The following KCNQ4 variants were observed in gnomAD, a reference collection of about 807,000 sequenced individuals.
KCNQ4 encodes potassium voltage-gated channel subfamily KQT member 4.
Under a neutral mutation model 72.6 loss-of-function variants are expected in KCNQ4, and 31 were observed. The observed-to-expected ratio is 0.43, with a 90% CI of 0.32 to 0.58. The LOEUF is 0.58. Ranked by LOEUF, KCNQ4 falls within the 20% of genes least tolerant of loss-of-function variation. The pLI, the probability that KCNQ4 is intolerant of heterozygous loss-of-function variation, is 0.08. For missense variants in KCNQ4, 869 were observed against 962.6 expected (o/e 0.90, Z 1.29); for synonymous variants, 405 against 403.7 (o/e 1.00, Z -0.04).
At chr1:40,787,928 T>A (rs990244778) in intron 1 of KCNQ4, among the ~76,000 whole-genome samples, 1 of 152,168 alleles carries the variant, frequency 6.6e-6, no homozygotes. Flanking sequence ...CCAGCCACTA[T>A]GAGCCGCAGG....
rs775830606 is a variant in KCNQ4 at position 40,831,266 on chromosome 1, G to T, written c.1475G>T (p.Arg492Leu). The part of the protein sequence containing the change: ...SWSFNDRTRF[R>L]ASLRLKPRTS... ...AGCTTCAATGACCGCACCCGCTTCC[G>T]GGCATCTCTGAGACTCAAACCCCGC... The change falls in exon 10 of 14, where the codon CGG (arginine) becomes CTG (leucine). Residue 492 changes from arginine to leucine, a missense_variant. Arg to Leu is a moderately radical substitution (Grantham distance 102). Transcript: ENST00000347132. The T allele has an allele frequency of 1.2e-6, 2 of 1,606,152 alleles. No homozygotes were observed. Among genetic ancestry groups the T allele is most frequent in the African/African-American group, 1.3e-5 (1 of 74,960 alleles).
intron 13 of KCNQ4, 92 bp from the exon 14 acceptor site, chr1:40,838,219 C>G: frequency 9.0e-7 from 1 of 1,110,564 alleles, no homozygotes; most frequent in African/African-American, 1.5e-5. Context: ...GCCCACTCCA[C>G]CGGCTAGGGT....
intron 12 of KCNQ4, among the ~76,000 whole-genome samples, chr1:40,835,400 C>T (rs1291190265): frequency 6.6e-6 from 1 of 152,170 alleles, no homozygotes; most frequent in Admixed American, 6.5e-5. Context: ...AATAATCAGC[C>T]TAAAATAATC....
In KCNQ4 at chr1:40,826,527, C is replaced by T. The variant is rs1648482338; in HGVS notation, c.1292+2269C>T. The T allele has an allele frequency of 2.3e-5, 9 of 391,854 alleles. No homozygotes were observed. The Admixed American group carries it at 2.3e-4, about 10-fold the overall frequency. 24.3% of individuals were successfully genotyped at this position (391,854 alleles called of 1,614,324 possible). On this transcript the variant is annotated intron_variant, in intron 9 of 13. Transcript: ENST00000347132. ...CTGGAGGATGATTTAGGTGGGGGTCCTTCTTTCCCACCAGCTACCGGAGGC... is the reference window on the plus strand; with the variant it reads ...CTGGAGGATGATTTAGGTGGGGGTCTTTCTTTCCCACCAGCTACCGGAGGC...
chr1:40,813,867 C>A (rs535596196), intron 1 of KCNQ4, among the ~76,000 whole-genome samples: 1 of 151,966 alleles, frequency 6.6e-6, no homozygotes, highest in East Asian at 1.9e-4. Context: ...CCTGCCTCAG[C>A]CTCCCGAGTA....
chr1:40,814,979 C>T (rs6683616), intron 1 of KCNQ4, among the ~76,000 whole-genome samples: 21,300 of 151,922 alleles, frequency 0.14, 1,597 homozygotes, highest in East Asian at 0.3. Context: ...TGGTGGCTCA[C>T]GCCTGTAATC....
intron 9 of KCNQ4, chr1:40,826,573 C>T (rs559789338): frequency 2.3e-6 from 1 of 432,804 alleles, no homozygotes; most frequent in Admixed American, 2.4e-5. Flanking sequence ...CCAGCAGCTC[C>T]CCACACTCTG....
At chr1:40,822,961 G>C (rs895703179) in intron 8 of KCNQ4, among the ~76,000 whole-genome samples, 2 of 152,214 alleles carry the variant, frequency 1.3e-5, no homozygotes, top group South Asian at 2.1e-4. Context: ...CCAGGAGAGG[G>C]ATTATTAATA....
In KCNQ4 at chr1:40,834,864, G is replaced by A. The variant is rs34480358; in HGVS notation, c.1614-103G>A. ...GCTGTTCATGGTGGCCAAGCAGGAGGTGCCCTGGTGCTGGACAAGGGGATA... is the reference window on the plus strand; with the variant it reads ...GCTGTTCATGGTGGCCAAGCAGGAGATGCCCTGGTGCTGGACAAGGGGATA... On this transcript the variant is annotated intron_variant, in intron 11 of 13. Coordinates refer to ENST00000347132, the MANE Select transcript of KCNQ4 (RefSeq NM_004700.4). 132,426 of 1,499,154 alleles carry A rather than the reference G, an allele frequency of 0.088. 6,523 individuals carry two copies. Among genetic ancestry groups the A allele is most frequent in the Non-Finnish European group, 0.1 (109,108 of 1,087,604 alleles). 92.9% of individuals were successfully genotyped at this position (1,499,154 alleles called of 1,614,324 possible). A position where few individuals can be genotyped will look rare whatever the true frequency, so the allele number is the denominator to read the frequency against.
chr1:40,813,074 C>A (rs1330721589), intron 1 of KCNQ4, among the ~76,000 whole-genome samples: 1 of 152,272 alleles, frequency 6.6e-6, no homozygotes, highest in East Asian at 1.9e-4. Context: ...TAGGTGTGTT[C>A]CAGGACTGGC....
intron 1 of KCNQ4, among the ~76,000 whole-genome samples, chr1:40,797,146 GGGCTGGGAAGCT>G (rs1235584404): frequency 2.0e-5 from 3 of 152,236 alleles, no homozygotes; most frequent in Non-Finnish European, 4.4e-5. Flanking sequence ...TGGGGGAGAT[GGGCTGGGAAGCT>G]GGCAGTTACC....
At chr1:40,798,279 T>G (rs1334236203) in intron 1 of KCNQ4, among the ~76,000 whole-genome samples, 1 of 152,146 alleles carries the variant, frequency 6.6e-6, no homozygotes, top group Non-Finnish European at 1.5e-5. Flanking sequence ...TGAAAACCTT[T>G]CTGCAGAGCT....
At chr1:40,798,167 C>CAGA (rs1233471576) in intron 1 of KCNQ4, among the ~76,000 whole-genome samples, 2 of 152,146 alleles carry the variant, frequency 1.3e-5, no homozygotes, top group African/African-American at 4.8e-5. Flanking sequence ...GAAACAGGCT[C>CAGA]AGAACAGGGC....
chr1:40,792,327 G>A (rs1476139573), intron 1 of KCNQ4, among the ~76,000 whole-genome samples: 2 of 152,200 alleles, frequency 1.3e-5, no homozygotes. Context: ...CAGCCCCTGG[G>A]CACAGTGGGG....
In KCNQ4 at chr1:40,838,482, A is replaced by C; in HGVS notation, c.2047A>C (p.Thr683Pro). The C allele has an allele frequency of 6.2e-7, 1 of 1,614,086 alleles. No individual in the cohort carries two copies. Among genetic ancestry groups the C allele is most frequent in the Non-Finnish European group, 8.5e-7 (1 of 1,179,956 alleles). Reference protein sequence around the residue: ...DHEDISVSAQTLSISRSVSTN... With the variant: ...DHEDISVSAQPLSISRSVSTN... ...CGAGGACATCTCCGTCTCCGCACAG[A>C]CGCTCAGCATCTCCCGCTCGGTCAG... The change falls in exon 14 of 14, where the codon ACG becomes CCG. Residue 683 changes from threonine to proline, a missense_variant. This residue lies in a region of KCNQ4 where 480 missense variants were observed against 501.9 expected (regional missense o/e 0.96). Transcript: ENST00000347132.
At chr1:40,809,674 T>G (rs112399045) in intron 1 of KCNQ4, among the ~76,000 whole-genome samples, 7 of 152,324 alleles carry the variant, frequency 4.6e-5, no homozygotes, top group African/African-American at 1.7e-4. Flanking sequence ...GGAGCTTTCT[T>G]GGTCTTTCTG....
rs527287080 is a variant in KCNQ4, at chr1:40,797,393, G to A, written c.314+12986G>A. 9.8e-5 allele frequency among the ~76,000 whole-genome samples: 15 copies of A among 152,336 alleles called. No individual in the cohort carries two copies. In the South Asian group the frequency reaches 3.1e-3, roughly 32 times the overall value. On this transcript the variant is annotated intron_variant, in intron 1 of 13. Coordinates refer to ENST00000347132, the MANE Select transcript of KCNQ4 (RefSeq NM_004700.4). The stretch of plus-strand genomic sequence containing the variant: ...ATAGCACAGGCAGAGACCCAGAAGT[G>A]AGGCTGAACAGGGCATTTGCAAAGA...
intron 1 of KCNQ4, among the ~76,000 whole-genome samples, chr1:40,811,980 C>T (rs982320483): frequency 6.6e-6 from 1 of 152,138 alleles, no homozygotes; most frequent in African/African-American, 2.4e-5. Flanking sequence ...GAAGCCACAC[C>T]CTAGTTGTGG....
In KCNQ4 at chr1:40,795,172, C is replaced by A. The variant is rs566774287; in HGVS notation, c.314+10765C>A. ...ATGACAATTGCCATCTGTCCCTGCT[C>A]ACCTCACGGGGCTGCTTCCTATAGC... On this transcript the variant is annotated intron_variant, in intron 1 of 13. Transcript: ENST00000347132. Among the ~76,000 whole-genome samples, 5 of 152,198 alleles carry A rather than the reference C, an allele frequency of 3.3e-5. No homozygotes were observed. In the South Asian group the frequency reaches 8.3e-4, roughly 25 times the overall value.
Sources: gnomAD v4.1 joint callset for allele counts (sites outside exome capture counted in the v4.1 genomes callset) on GRCh38, gnomAD v4.1.1 for gene constraint, gnomAD v4.1.1 regional missense constraint, MANE v1.5 for transcripts, NCBI Gene and HGNC (gene_info 2026-07-23, HGNC 2026-07-21) for gene names.